Variants in ERC2 observed in about 807,000 individuals in gnomAD.
ERC2 encodes the protein ELKS/RAB6-interacting/CAST family member 2.
In ERC2, 42 loss-of-function variants were observed where a neutral mutation model predicts 114.8. The observed-to-expected ratio is 0.37, with a 90% CI of 0.29 to 0.47. The LOEUF (loss-of-function observed/expected upper bound fraction) is 0.47, where lower values mean the gene tolerates loss of function less well. ERC2 is among the 20% of genes least tolerant of loss of function. The pLI, the probability that ERC2 is intolerant of heterozygous loss-of-function variation, is 0.99. For synonymous variants in ERC2, 454 were observed against 425.5 expected (o/e 1.07, Z -0.82); for missense variants, 939 against 1,150.7 (o/e 0.82, Z 2.66).
At chr3:55,911,694 AG>A (rs2064824390) in intron 13 of ERC2, among the ~76,000 whole-genome samples, 1 of 152,220 alleles carries the variant, frequency 6.6e-6, no homozygotes, top group Admixed American at 6.5e-5. Context: ...CATATGTTAG[AG>A]GGAAAAATTT....
intron 17 of ERC2, among the ~76,000 whole-genome samples, chr3:55,537,614 T>C (rs1180883758): frequency 6.6e-6 from 1 of 152,212 alleles, no homozygotes; most frequent in South Asian, 2.1e-4. Context: ...AAAGGCTGCA[T>C]ACTCTGGGTC....
At chr3:55,561,444 C>G (rs4583614) in intron 17 of ERC2, among the ~76,000 whole-genome samples, 1 of 152,120 alleles carries the variant, frequency 6.6e-6, no homozygotes, top group Non-Finnish European at 1.5e-5. Flanking sequence ...TCCAAGTCCT[C>G]TAGCTTCATT....
At chr3:56,103,467 C>T (rs931299801) in intron 6 of ERC2, among the ~76,000 whole-genome samples, 5 of 152,150 alleles carry the variant, frequency 3.3e-5, no homozygotes, top group Admixed American at 6.5e-5. Context: ...GATGAATTCC[C>T]ACTTGCTGAG....
intron 17 of ERC2, among the ~76,000 whole-genome samples, chr3:55,667,540 T>TTCATCATCCTGAGACC (rs1559473121): frequency 6.6e-6 from 1 of 151,476 alleles, no homozygotes; most frequent in Admixed American, 6.6e-5. Flanking sequence ...ATCCTGAGAC[T>TTCATCATCCTGAGACC]GCATGCTGCA....
intron 2 of ERC2, among the ~76,000 whole-genome samples, chr3:56,392,207 GT>G (rs2060153001): frequency 6.6e-6 from 1 of 152,170 alleles, no homozygotes; most frequent in Non-Finnish European, 1.5e-5. Context: ...ATTTCTATGT[GT>G]TTGTACGTGA....
At chr3:56,266,400 GA>G (rs1194544962) in intron 3 of ERC2, among the ~76,000 whole-genome samples, 13 of 152,042 alleles carry the variant, frequency 8.6e-5, no homozygotes, top group African/African-American at 3.1e-4. Context: ...AAAGTGCTGG[GA>G]TTACAGGTGT....
At position 55,981,865 on chromosome 3, in the gene ERC2, T is replaced by G. The variant is rs76677774; in HGVS notation, c.2267+4112A>C. Reference sequence around the variant, plus strand: ...CCATGGGGACAAAGAAAAGAAAGAGTGGGGTGAGACAAACCCAATGGTTGC... The same window carrying G: ...CCATGGGGACAAAGAAAAGAAAGAGGGGGGTGAGACAAACCCAATGGTTGC... On this transcript the variant is annotated intron_variant, in intron 12 of 17. Coordinates refer to ENST00000288221, the MANE Select transcript of ERC2 (RefSeq NM_015576.3). Among the ~76,000 whole-genome samples, 548 of 151,576 alleles carry G rather than the reference T, an allele frequency of 3.6e-3. 5 individuals are homozygous for G. The highest frequency in any genetic ancestry group is 0.013 in the African/African-American group (528 of 41,258).
chr3:55,920,098 G>A (rs370032625), intron 13 of ERC2, among the ~76,000 whole-genome samples: 41 of 152,056 alleles, frequency 2.7e-4, no homozygotes, highest in African/African-American at 8.2e-4. Flanking sequence ...TAGTATGGCC[G>A]GATGCACATT....
intron 15 of ERC2, among the ~76,000 whole-genome samples, chr3:55,728,299 A>G (rs1457202488): frequency 6.6e-6 from 1 of 152,192 alleles, no homozygotes; most frequent in Non-Finnish European, 1.5e-5. Context: ...TAAAATCATC[A>G]CAAAACAAAT....
intron 17 of ERC2, among the ~76,000 whole-genome samples, chr3:55,609,260 G>T (rs750301772): frequency 6.6e-6 from 1 of 152,096 alleles, no homozygotes; most frequent in Non-Finnish European, 1.5e-5. Context: ...TAATTCACCT[G>T]CACGGCACAA....
At chr3:55,989,368 T>A (rs893421370) in intron 11 of ERC2, among the ~76,000 whole-genome samples, 1 of 152,242 alleles carries the variant, frequency 6.6e-6, no homozygotes, top group Non-Finnish European at 1.5e-5. Flanking sequence ...GCTGTTTATA[T>A]GTAAATGTTT....
chr3:56,242,634 A>T (rs2051399477), intron 3 of ERC2, among the ~76,000 whole-genome samples: 1 of 152,118 alleles, frequency 6.6e-6, no homozygotes, highest in Non-Finnish European at 1.5e-5. Context: ...CTGAAATATT[A>T]AATTCTAGAA....
intron 3 of ERC2, among the ~76,000 whole-genome samples, chr3:56,198,010 C>T (rs1349495293): frequency 6.6e-6 from 1 of 152,074 alleles, no homozygotes; most frequent in Non-Finnish European, 1.5e-5. Context: ...ATTGTAGGAA[C>T]TAAGAGGAAT....
intron 4 of ERC2, among the ~76,000 whole-genome samples, chr3:56,152,500 A>G (rs9848499): frequency 0.057 from 8,689 of 152,178 alleles, 283 homozygotes; most frequent in African/African-American, 0.095. Flanking sequence ...TTCTAAGCCC[A>G]GCACTTAAGA....
chr3:55,908,266 T>C (rs2064583685), intron 13 of ERC2, among the ~76,000 whole-genome samples: 1 of 152,180 alleles, frequency 6.6e-6, no homozygotes, highest in Admixed American at 6.5e-5. Flanking sequence ...GAGAAAAATA[T>C]CCTGCCTGAA....
intron 17 of ERC2, among the ~76,000 whole-genome samples, chr3:55,635,571 A>G (rs992552109): frequency 2.0e-5 from 3 of 151,878 alleles, no homozygotes; most frequent in East Asian, 1.9e-4. Flanking sequence ...TTGCATTTGT[A>G]ATAGAGACGG....
chr3:55,602,484 C>T (rs2058448477), intron 17 of ERC2, among the ~76,000 whole-genome samples: 1 of 152,182 alleles, frequency 6.6e-6, no homozygotes, highest in South Asian at 2.1e-4. Flanking sequence ...AAAACAGGTA[C>T]CACGGTGCTG....
intron 2 of ERC2, among the ~76,000 whole-genome samples, chr3:56,394,703 A>G (rs540782317): frequency 6.6e-6 from 1 of 152,306 alleles, no homozygotes; most frequent in South Asian, 2.1e-4. Flanking sequence ...ATAATCAAAA[A>G]GTCAGATAAT....
At chr3:56,392,492 A>G (rs904256135) in intron 2 of ERC2, among the ~76,000 whole-genome samples, 4 of 152,152 alleles carry the variant, frequency 2.6e-5, no homozygotes, top group Non-Finnish European at 5.9e-5. Flanking sequence ...GAGATAAAAA[A>G]GATTCACATT....
Sources: gnomAD v4.1 joint callset for allele counts (sites outside exome capture counted in the v4.1 genomes callset) on GRCh38, gnomAD v4.1.1 for gene constraint, MANE v1.5 for transcripts, NCBI Gene and HGNC (gene_info 2026-07-23, HGNC 2026-07-21) for gene names.